Variants in SLC10A7 observed in about 807,000 individuals in gnomAD.
SLC10A7 encodes the protein sodium/bile acid cotransporter 7.
Under a neutral mutation model 43.2 loss-of-function variants are expected in SLC10A7, and 29 were observed. That is an observed-to-expected ratio of 0.67 (90% CI 0.50 to 0.92). SLC10A7 has a LOEUF of 0.92. SLC10A7 is among the 40% of genes least tolerant of loss of function. The pLI, the probability that SLC10A7 is intolerant of heterozygous loss-of-function variation, is 0.00. For synonymous variants in SLC10A7, 152 were observed against 144.8 expected, an observed-to-expected ratio of 1.05 and a Z score of -0.35; for missense variants, 295 against 403.2, an observed-to-expected ratio of 0.73 and a Z score of 2.30.
intron 9 of SLC10A7, among the ~76,000 whole-genome samples, chr4:146,286,077 A>G (rs1729902448): frequency 2.0e-5 from 3 of 149,770 alleles, no homozygotes; most frequent in Non-Finnish European, 4.4e-5. Context: ...GAGTGGTGAG[A>G]AGGACTCTGG....
intron 5 of SLC10A7, among the ~76,000 whole-genome samples, chr4:146,431,259 G>T (rs1324851494): frequency 6.6e-6 from 1 of 152,076 alleles, no homozygotes; most frequent in Non-Finnish European, 1.5e-5. Flanking sequence ...GTAGATGTGA[G>T]AATAACACTA....
At chr4:146,375,444 C>T (rs1425554205) in intron 5 of SLC10A7, among the ~76,000 whole-genome samples, 1 of 152,162 alleles carries the variant, frequency 6.6e-6, no homozygotes, top group Admixed American at 6.6e-5. Context: ...CCTCAAGTTA[C>T]TCCTAAATGT....
chr4:146,500,649 G>A (rs963911487), intron 4 of SLC10A7, among the ~76,000 whole-genome samples: 3 of 151,912 alleles, frequency 2.0e-5, no homozygotes, highest in African/African-American at 7.3e-5. Context: ...TCATCATGAT[G>A]CATACATACA....
chr4:146,260,728 G>T (rs1728169959), intron 10 of SLC10A7, among the ~76,000 whole-genome samples: 1 of 152,190 alleles, frequency 6.6e-6, no homozygotes, highest in Admixed American at 6.5e-5. Context: ...CTCCATATCA[G>T]GTAAGGTCAG....
intron 5 of SLC10A7, among the ~76,000 whole-genome samples, chr4:146,344,413 C>T (rs558956730): frequency 3.0e-4 from 46 of 152,134 alleles, no homozygotes; most frequent in African/African-American, 1.0e-3. Flanking sequence ...GTTAGAGCCA[C>T]GCTGCCTGAA....
intron 5 of SLC10A7, among the ~76,000 whole-genome samples, chr4:146,408,386 C>T (rs1450650961): frequency 6.6e-6 from 1 of 151,932 alleles, no homozygotes; most frequent in African/African-American, 2.4e-5. Flanking sequence ...TCTGTCTCTA[C>T]TAAAATACAA....
At chr4:146,326,692 A>G (rs141601645) in intron 5 of SLC10A7, among the ~76,000 whole-genome samples, 11 of 152,290 alleles carry the variant, frequency 7.2e-5, no homozygotes, top group Non-Finnish European at 1.3e-4. Context: ...TTGAAGGCAA[A>G]TCTTTAAAAC....
intron 5 of SLC10A7, among the ~76,000 whole-genome samples, chr4:146,373,859 G>A (rs1427289894): frequency 6.6e-6 from 1 of 152,152 alleles, no homozygotes; most frequent in Non-Finnish European, 1.5e-5. Context: ...GATGCCAGGA[G>A]ACAGGCAAAG....
At chr4:146,318,952 G>A (rs567991115) in intron 6 of SLC10A7, among the ~76,000 whole-genome samples, 4 of 152,122 alleles carry the variant, frequency 2.6e-5, no homozygotes, top group Non-Finnish European at 5.9e-5. Flanking sequence ...TCTGGTCCAA[G>A]CTAACAGGAT....
Position 146,335,250 on chromosome 4 carries a change from G to GAAAA in SLC10A7, c.436-9255_436-9254insTTTT, listed in dbSNP as rs772547279. Among the ~76,000 whole-genome samples, 34 of 70,618 alleles carry GAAAA rather than the reference G, an allele frequency of 4.8e-4. 1 individual carries two copies. The highest frequency in any genetic ancestry group is 2.0e-3 in the South Asian group (3 of 1,502). The allele number at this position is 70,618 out of a possible 152,430, so 46.3% of individuals were successfully genotyped here. A position where few individuals can be genotyped will look rare whatever the true frequency, so the allele number is the denominator to read the frequency against. On this transcript the variant is annotated intron_variant, in intron 5 of 11. Coordinates refer to ENST00000335472, the MANE Select transcript of SLC10A7 (RefSeq NM_001029998.6). ...TCATTAAAGTGTTGCCACAGATGTT[G>GAAAA]TAAAAAAAAAAAAAAAAAAAAAAAA... is the stretch of plus-strand genomic sequence containing the variant.
intron 5 of SLC10A7, among the ~76,000 whole-genome samples, chr4:146,423,405 T>C (rs2149852797): frequency 6.6e-6 from 1 of 152,302 alleles, no homozygotes; most frequent in East Asian, 1.9e-4. Context: ...AAATGAAAAT[T>C]ACAATAATAG....
chr4:146,349,000 A>C (rs1355003972), intron 5 of SLC10A7, among the ~76,000 whole-genome samples: 1 of 152,212 alleles, frequency 6.6e-6, no homozygotes, highest in Non-Finnish European at 1.5e-5. Context: ...TCTTAGATTT[A>C]AAATGGGCAT....
In SLC10A7 at chr4:146,277,785, T is replaced by A. The variant is rs147439543; in HGVS notation, c.847+5407A>T. Among the ~76,000 whole-genome samples, 584 of 152,270 alleles carry A rather than the reference T, an allele frequency of 3.8e-3. 2 individuals are homozygous for A. Among genetic ancestry groups the A allele is most frequent in the African/African-American group, 0.013 (532 of 41,572 alleles). ...TTGCAAGAATGGAGTGCAGACAGTG[T>A]TGCCTCATGAAAGGTAAGGCTGGCT... On this transcript the variant is annotated intron_variant, in intron 10 of 11. Coordinates refer to ENST00000335472, the MANE Select transcript of SLC10A7 (RefSeq NM_001029998.6).
At chr4:146,381,614 G>T (rs1420818987) in intron 5 of SLC10A7, among the ~76,000 whole-genome samples, 2 of 152,054 alleles carry the variant, frequency 1.3e-5, no homozygotes, top group Non-Finnish European at 2.9e-5. Flanking sequence ...CATCCACTCT[G>T]CACTCTGTCA....
At chr4:146,287,988 A>G (rs1452047650) in intron 9 of SLC10A7, among the ~76,000 whole-genome samples, 1 of 152,150 alleles carries the variant, frequency 6.6e-6, no homozygotes, top group Non-Finnish European at 1.5e-5. Context: ...AGCATTCACA[A>G]TGTGGCTAAA....
chr4:146,315,894 C>T (rs1214530672), intron 6 of SLC10A7, among the ~76,000 whole-genome samples: 2 of 152,096 alleles, frequency 1.3e-5, no homozygotes, highest in Non-Finnish European at 2.9e-5. Flanking sequence ...ATTCATTTAT[C>T]ATTTGAATCA....
chr4:146,301,618 T>C (rs544453173), intron 7 of SLC10A7, among the ~76,000 whole-genome samples: 1 of 152,136 alleles, frequency 6.6e-6, no homozygotes, highest in South Asian at 2.1e-4. Context: ...ATGATGAAGG[T>C]GTGTCATCCT....
chr4:146,362,837 A>G (rs1439943060), intron 5 of SLC10A7, among the ~76,000 whole-genome samples: 1 of 152,090 alleles, frequency 6.6e-6, no homozygotes, highest in Non-Finnish European at 1.5e-5. Context: ...CCTCATGCTA[A>G]ACACAAAGCA....
chr4:146,421,858 C>T (rs1728989307), intron 5 of SLC10A7, among the ~76,000 whole-genome samples: 1 of 152,166 alleles, frequency 6.6e-6, no homozygotes, highest in Non-Finnish European at 1.5e-5. Flanking sequence ...TAACATTCAC[C>T]AGCATCCTTT....
Sources: allele counts gnomAD v4.1 joint callset (sites outside exome capture counted in the v4.1 genomes callset), GRCh38; gene constraint gnomAD v4.1.1; transcripts MANE v1.5; gene names NCBI Gene and HGNC (gene_info 2026-07-23, HGNC 2026-07-21).